Variants in FASN observed in about 807,000 individuals in gnomAD.
FASN encodes fatty acid synthase, also known as 3-hydroxyacyl-[acyl-carrier-protein] dehydratase.
A neutral mutation model predicts 250.0 loss-of-function variants in FASN; 50 were observed. The ratio of observed to expected loss-of-function variants is 0.20; its 90% confidence interval spans 0.16 to 0.25. The LOEUF (loss-of-function observed/expected upper bound fraction) is 0.25. Ranked by LOEUF, FASN falls within the 10% of genes least tolerant of loss-of-function variation. The pLI is 1.00. For missense variants in FASN, 3,031 were observed against 3,498.5 expected, an observed-to-expected ratio of 0.87 and a Z score of 3.37; for synonymous variants, 1,909 against 1,584.0, an observed-to-expected ratio of 1.21 and a Z score of -4.87.
rs372807802 is a variant in FASN at position 82,079,414 on chromosome 17, G to A, written c.7341C>T (p.Arg2447=). The A allele has an allele frequency of 1.7e-5, 28 of 1,613,042 alleles. No individual in the cohort carries two copies. The highest frequency in any genetic ancestry group is 6.7e-5 in the African/African-American group (5 of 75,058). The stretch of plus-strand genomic sequence containing the variant: ...CGCCGTAGGCGCCACCCGTCTTGGC[G>A]CGCAGTAGCATCACGTTGCCATGGT... ...AKYHGNVMLL[R]AKTGGAYGED... is the part of the protein sequence containing the mutation. Residue 2447 remains arginine (R), a synonymous_variant, in exon 42 of 43, where the codon CGC becomes CGT. Coordinates refer to ENST00000306749, the MANE Select transcript of FASN (RefSeq NM_004104.5).
chr17:82,091,442 C>T lies in FASN; in HGVS notation c.1272G>A (p.Leu424=), dbSNP rs369449209. 1.9e-6 allele frequency: 3 copies of T among 1,607,454 alleles called. No individual in the cohort carries two copies. In the African/African-American group the frequency reaches 4.0e-5, roughly 21 times the overall value. Residue 424 remains leucine, a synonymous_variant, in exon 9 of 43, where the codon CTG becomes CTA. Transcript: ENST00000306749. ...PAPHATLPRL[L]RASGRTPEAV... ...CCTCAGGGGTGCGTCCGCTGGCCCG[C>T]AGCAGACGGGGCAGGGTGGCATGTG...
At position 82,087,236 on chromosome 17, in the gene FASN, TCAC is replaced by T. The variant is rs760111042; in HGVS notation, c.3238_3240del (p.Val1080del). On this transcript the variant is annotated inframe_deletion, in exon 21 of 43. Coordinates refer to ENST00000306749, the MANE Select transcript of FASN (RefSeq NM_004104.5). The stretch of plus-strand genomic sequence containing the variant: ...GCCACTGTGACCCTCAGCCACCTGC[TCAC>T]CACCACGTCAGCCACTGTGGGGACA... The T allele has an allele frequency of 2.9e-5, 47 of 1,606,366 alleles. No individual in the cohort carries two copies. Among genetic ancestry groups the T allele is most frequent in the Middle Eastern group, 1.6e-4 (1 of 6,072 alleles).
Position 82,095,353 on chromosome 17 carries a change from G to C in FASN, c.247C>G (p.Leu83Val), listed in dbSNP as rs2034285921. The C allele has an allele frequency of 6.2e-7, 1 of 1,612,724 alleles. No homozygotes were observed. Among genetic ancestry groups the C allele is most frequent in the Non-Finnish European group, 8.5e-7 (1 of 1,180,012 alleles). Residue 83 changes from leucine (L) to valine (V), a missense_variant, in exon 3 of 43, where the codon CTG becomes GTG. Physicochemically the swap from Leu to Val is conservative, Grantham distance 32. Transcript: ENST00000306749. Reference sequence around the variant, plus strand: ...ACGATGGCTTCATAGGTGACTTCCAGCAGCAGCCGCAGCTGAGGGTCCATC... The same window carrying C: ...ACGATGGCTTCATAGGTGACTTCCACCAGCAGCCGCAGCTGAGGGTCCATC... Reference protein sequence around the residue: ...HTMDPQLRLLLEVTYEAIVDG... With the variant: ...HTMDPQLRLLVEVTYEAIVDG...
rs62642476 is a variant in FASN at position 82,083,518 on chromosome 17, G to A, written c.5340C>T (p.Leu1780=). 1.4e-4 allele frequency: 232 copies of A among 1,612,794 alleles called. 1 individual carries two copies. In the African/African-American group the frequency reaches 2.6e-3, roughly 18 times the overall value. Residue 1780 remains leucine (L), a splice_region_variant and synonymous_variant, in exon 31 of 43, where the codon CTC becomes CTT. Coordinates refer to ENST00000306749, the MANE Select transcript of FASN (RefSeq NM_004104.5). Reference sequence around the variant, plus strand: ...CCGCCCAGGCGCTGCCGGCCTCACCGAGCGGGTGGTTCTGAGAAAGGTCGA... The same window carrying A: ...CCGCCCAGGCGCTGCCGGCCTCACCAAGCGGGTGGTTCTGAGAAAGGTCGA... ...GKFDLSQNHP[L]GMAIFLKNVT... is the part of the protein sequence containing the mutation.
At chr17:82,096,764 C>T (rs868020996) in intron 1 of FASN, 3 of 414,674 alleles carry the variant, frequency 7.2e-6, no homozygotes, top group Admixed American at 3.6e-5. Context: ...CTGGTTTCTG[C>T]GCCTGTGTCG....
chr17:82,087,607 C>A, intron 19 of FASN, 78 bp downstream of exon 19: 1 of 1,600,920 alleles, frequency 6.2e-7, no homozygotes, highest in Admixed American at 1.7e-5. Flanking sequence ...GCATGCCTAG[C>A]TGTGGGTGCC....
intron 35 of FASN, 74 bp from the exon 36 acceptor site, chr17:82,082,234 C>T: frequency 6.2e-7 from 1 of 1,602,500 alleles, no homozygotes; most frequent in Non-Finnish European, 8.5e-7. Flanking sequence ...CAGGAAACGC[C>T]AGAGAGGGCT....
chr17:82,093,162 G>T (rs912065461), intron 5 of FASN, 57 bp downstream of exon 5: 1 of 1,535,412 alleles, frequency 6.5e-7, no homozygotes, highest in Non-Finnish European at 8.8e-7. Context: ...GGGACTGTGC[G>T]GGGGGCCGTC....
intron 12 of FASN, 68 bp from the exon 13 acceptor site, chr17:82,089,452 C>A: frequency 1.2e-6 from 2 of 1,609,482 alleles, no homozygotes; most frequent in Non-Finnish European, 1.7e-6. Context: ...AGAGGTAGGG[C>A]GCACCCACCT....
At chr17:82,080,628 G>C in intron 39 of FASN, 38 bp from the exon 40 acceptor site, 1 of 1,551,094 alleles carries the variant, frequency 6.4e-7, no homozygotes, top group Non-Finnish European at 8.7e-7. Flanking sequence ...ATGTGCAGGC[G>C]GCAGCCACGG....
At chr17:82,085,905 C>G (rs1413424024) in intron 22 of FASN, 34 bp from the exon 23 acceptor site, 1 of 1,500,456 alleles carries the variant, frequency 6.7e-7, no homozygotes. Flanking sequence ...CAGCCCCACA[C>G]CAGGCAGGTG....
At chr17:82,086,900 C>T (rs2034113082) in intron 21 of FASN, 150 bp downstream of exon 21, 6 of 819,558 alleles carry the variant, frequency 7.3e-6, no homozygotes, top group South Asian at 4.6e-5. Context: ...GGGAGGGAGG[C>T]CGCCATCGTG....
Position 82,081,320 on chromosome 17 carries a change from T to C in FASN, c.6439A>G (p.Ser2147Gly). The C allele has an allele frequency of 6.4e-7, 1 of 1,557,326 alleles. No homozygotes were observed. Among genetic ancestry groups the C allele is most frequent in the African/African-American group, 1.4e-5 (1 of 73,834 alleles). ...IRDLAAVNLD[S>G]SLADLGLDSL... is the part of the protein sequence containing the mutation. ...TCCAGGCCCAGGTCCGCCAGTGAGC[T>C]GTCCAGGTTGACAGCAGCCAAGTCG... Residue 2147 changes from serine to glycine, a missense_variant, in exon 38 of 43, where the codon AGC (serine) becomes GGC (glycine). Ser to Gly is a moderately conservative substitution (Grantham distance 56, BLOSUM62 0). Transcript: ENST00000306749.
chr17:82,083,489 A>G (rs755191264), intron 31 of FASN, 28 bp downstream of exon 31: 1 of 1,612,192 alleles, frequency 6.2e-7, no homozygotes, highest in South Asian at 1.1e-5. Context: ...ATCCATGCCC[A>G]CCCCCGCCCA....
At chr17:82,092,860 C>T in intron 6 of FASN, 37 bp downstream of exon 6, 4 of 1,588,852 alleles carry the variant, frequency 2.5e-6, no homozygotes, top group Non-Finnish European at 3.4e-6. Flanking sequence ...CGGCTCCCAC[C>T]TGCCCCCCAG....
Position 82,078,860 on chromosome 17 carries a change from G to C in FASN, c.*283C>G. 1.8e-6 allele frequency: 1 copy of C among 556,600 alleles called. No individual in the cohort carries two copies. The highest frequency in any genetic ancestry group is 3.2e-6 in the Non-Finnish European group (1 of 308,184). 34.5% of individuals were successfully genotyped at this position (556,600 alleles called of 1,614,324 possible). ...CAGAAAGACCAAGCGCAGACCCCAC[G>C]GGCGCACGAGGCCCAGCCCAGTTCC... On this transcript the variant is annotated 3_prime_UTR_variant, in exon 43 of 43. Transcript: ENST00000306749. The surrounding 1 kb of genome is among the most constrained non-coding windows in gnomAD (Gnocchi z 5.4).
chr17:82,078,881 G>T lies in FASN; in HGVS notation c.*262C>A. On this transcript the variant is annotated 3_prime_UTR_variant, in exon 43 of 43. Coordinates refer to ENST00000306749, the MANE Select transcript of FASN (RefSeq NM_004104.5). This position sits in a 1 kb window ranked among gnomAD's most constrained non-coding sequence, Gnocchi z 5.4. ...CCACGGGCGCACGAGGCCCAGCCCA[G>T]TTCCTGCGGGCACGGGCACCACCGG... 1 of 579,082 alleles carries T rather than the reference G, an allele frequency of 1.7e-6. No individual in the cohort carries two copies. Among genetic ancestry groups the T allele is most frequent in the South Asian group, 2.0e-5 (1 of 50,300 alleles). 35.9% of individuals were successfully genotyped at this position (579,082 alleles called of 1,614,324 possible).
At chr17:82,084,205 G>T in intron 28 of FASN, 29 bp downstream of exon 28, 1 of 1,610,304 alleles carries the variant, frequency 6.2e-7, no homozygotes, top group Non-Finnish European at 8.5e-7. Flanking sequence ...TCCACGTGGG[G>T]CCCAGGCTCA....
Position 82,088,615 on chromosome 17 carries a change from C to T in FASN, c.2421-53G>A, listed in dbSNP as rs1323331872. The T allele has an allele frequency of 7.0e-6, 11 of 1,576,260 alleles. No homozygotes were observed. In the South Asian group the frequency reaches 1.1e-4, roughly 16 times the overall value. The stretch of plus-strand genomic sequence containing the variant: ...CACCCGTCACCGGGGTCCAGGGGCT[C>T]TGGGTTCAGCCCACCCACTGCCTGC... On this transcript the variant is annotated intron_variant, in intron 15 of 42. Coordinates refer to ENST00000306749, the MANE Select transcript of FASN (RefSeq NM_004104.5).
Sources: gnomAD v4.1 joint callset for allele counts on GRCh38, gnomAD v4.1.1 for gene constraint, Gnocchi (gnomAD v3.1) non-coding constraint, MANE v1.5 for transcripts, NCBI Gene and HGNC (gene_info 2026-07-23, HGNC 2026-07-21) for gene names.